Variants in ZNF189 observed in about 807,000 individuals in gnomAD.
The protein encoded by ZNF189 is zinc finger protein 189.
Under a neutral mutation model 53.5 loss-of-function variants are expected in ZNF189, and 33 were observed. The ratio of observed to expected loss-of-function variants is 0.62; its 90% CI spans 0.47 to 0.82. ZNF189 has a LOEUF of 0.82. Ranked by LOEUF, ZNF189 falls within the 40% of genes least tolerant of loss-of-function variation. The probability of loss-of-function intolerance (pLI) is 0.00; values close to 1 mark genes in which losing one functional copy is unlikely to be tolerated. For missense variants in ZNF189, 711 were observed against 753.9 expected (o/e 0.94, Z 0.67); for synonymous variants, 247 against 238.8 (o/e 1.03, Z -0.32).
At chr9:101,403,234 G>A (rs1255113422) in intron 2 of ZNF189, among the ~76,000 whole-genome samples, 2 of 152,132 alleles carry the variant, frequency 1.3e-5, no homozygotes, top group Non-Finnish European at 2.9e-5. Flanking sequence ...TAGAACTGCA[G>A]CATGTAAATA....
chr9:101,407,499 C>A, intron 2 of ZNF189: 1 of 400,228 alleles, frequency 2.5e-6, no homozygotes, highest in Non-Finnish European at 4.4e-6. Flanking sequence ...GATCAATCCT[C>A]CCACCTCAGC....
Position 101,408,851 on chromosome 9 carries a change from A to G in ZNF189, c.1083A>G (p.Glu361=), listed in dbSNP as rs879802567. ...TCAGTCGGAGCTCATTCCTTATTGAACATCAGAGGATCCATACTGGTGAAA... is the reference window on the plus strand; with the variant it reads ...TCAGTCGGAGCTCATTCCTTATTGAGCATCAGAGGATCCATACTGGTGAAA... ...KSFSRSSFLI[E]HQRIHTGERP... is the part of the protein sequence containing the mutation. Residue 361 remains glutamate, a synonymous_variant, in exon 3 of 3, where the codon GAA becomes GAG. Transcript: ENST00000339664. 1 of 1,614,178 alleles carries G rather than the reference A, an allele frequency of 6.2e-7. No homozygotes were observed. The highest frequency in any genetic ancestry group is 8.5e-7 in the Non-Finnish European group (1 of 1,180,028).
At chr9:101,401,172 C>T (rs1319935616) in intron 2 of ZNF189, among the ~76,000 whole-genome samples, 1 of 152,174 alleles carries the variant, frequency 6.6e-6, no homozygotes, top group Non-Finnish European at 1.5e-5. Context: ...GATTGATATC[C>T]TTTATATAAG....
chr9:101,408,812 G>A lies in ZNF189; in HGVS notation c.1044G>A (p.Glu348=), dbSNP rs757305214. ...HTGEKPFLCI[E]CGKSFSRSSF... ...GCGAGAAGCCTTTTCTTTGTATTGA[G>A]TGTGGAAAAAGTTTCAGTCGGAGCT... The change falls in exon 3 of 3, where the codon GAG becomes GAA. Residue 348 remains glutamate, a synonymous_variant. Transcript: ENST00000339664. 3.5e-5 allele frequency: 57 copies of A among 1,613,996 alleles called. No individual in the cohort carries two copies. The highest frequency in any genetic ancestry group is 4.2e-5 in the Non-Finnish European group (49 of 1,180,030).
In ZNF189 at chr9:101,409,896, G is replaced by A; in HGVS notation, c.*247G>A. 2.3e-6 allele frequency: 1 copy of A among 438,176 alleles called. No homozygotes were observed. Among genetic ancestry groups the A allele is most frequent in the Non-Finnish European group, 4.0e-6 (1 of 249,364 alleles). The allele number at this position is 438,176 out of a possible 1,614,324, so 27.1% of individuals were successfully genotyped here. On this transcript the variant is annotated 3_prime_UTR_variant, in exon 3 of 3. Coordinates refer to ENST00000339664, the MANE Select transcript of ZNF189 (RefSeq NM_003452.4). ...TCTTTAATAAATCTTTCAGCAGAGA[G>A]ATTAAACCTAGGTTCAGAGCATGGG...
At chr9:101,399,555 A>C (rs1251418204) in intron 1 of ZNF189, 1 of 1,276,478 alleles carries the variant, frequency 7.8e-7, no homozygotes, top group East Asian at 4.0e-5. Flanking sequence ...AACCTCAAGG[A>C]ATTGAATTGA....
Position 101,408,245 on chromosome 9 carries a change from C to A in ZNF189, c.477C>A (p.Arg159=). ...KCEECGKGFV[R]KAHFIQHQRV... ...AAGAATGTGGAAAGGGTTTTGTCCG[C>A]AAGGCCCATTTCATTCAACATCAAA... is the stretch of plus-strand genomic sequence containing the variant. The change falls in exon 3 of 3, where the codon CGC becomes CGA. Residue 159 remains arginine, a synonymous_variant. Coordinates refer to ENST00000339664, the MANE Select transcript of ZNF189 (RefSeq NM_003452.4). 6.2e-7 allele frequency: 1 copy of A among 1,614,136 alleles called. No homozygotes were observed. The highest frequency in any genetic ancestry group is 8.5e-7 in the Non-Finnish European group (1 of 1,180,040).
Position 101,408,356 on chromosome 9 carries a change from A to G in ZNF189, c.588A>G (p.Arg196=), listed in dbSNP as rs780520726. The G allele has an allele frequency of 1.2e-6, 2 of 1,614,136 alleles. No homozygotes were observed. The highest frequency in any genetic ancestry group is 2.2e-5 in the East Asian group (1 of 44,858). ...SRSSFVIEHQ[R]IHTGERPYEC... Reference sequence around the variant, plus strand: ...GTTCATTTGTTATTGAACATCAGAGAATTCACACTGGGGAAAGGCCCTATG... The same window carrying G: ...GTTCATTTGTTATTGAACATCAGAGGATTCACACTGGGGAAAGGCCCTATG... The change falls in exon 3 of 3, where the codon AGA becomes AGG. Residue 196 remains arginine (R), a synonymous_variant. Transcript: ENST00000339664.
chr9:101,408,167 C>T lies in ZNF189; in HGVS notation c.399C>T (p.Asn133=). The T allele has an allele frequency of 6.2e-7, 1 of 1,614,074 alleles. No homozygotes were observed. The highest frequency in any genetic ancestry group is 2.2e-5 in the East Asian group (1 of 44,860). Residue 133 remains asparagine, a synonymous_variant, in exon 3 of 3, where the codon AAC becomes AAT. Coordinates refer to ENST00000339664, the MANE Select transcript of ZNF189 (RefSeq NM_003452.4). ...LTQEQRMFRE[N]TNIIRKRPNS... ...AGGAACAGAGAATGTTCAGAGAAAA[C>T]ACTAACATTATCCGTAAAAGACCAA...
At chr9:101,403,623 T>G (rs1588156913) in intron 2 of ZNF189, among the ~76,000 whole-genome samples, 2 of 152,368 alleles carry the variant, frequency 1.3e-5, no homozygotes, top group Admixed American at 6.5e-5. Flanking sequence ...CATCTTCAAT[T>G]TTAATGACTC....
At chr9:101,399,449 C>T (rs1268046208) in intron 1 of ZNF189, 1 of 1,332,408 alleles carries the variant, frequency 7.5e-7, no homozygotes, top group African/African-American at 1.5e-5. Flanking sequence ...CTAGCTCTCT[C>T]ATTTGTGAGT....
intron 2 of ZNF189, among the ~76,000 whole-genome samples, chr9:101,400,833 CTG>C (rs1368900470): frequency 6.6e-6 from 1 of 152,246 alleles, no homozygotes; most frequent in Non-Finnish European, 1.5e-5. Flanking sequence ...AGTTTATTGA[CTG>C]TGACTAGACG....
At position 101,399,982 on chromosome 9, in the gene ZNF189, G is replaced by A. The variant is rs772843590; in HGVS notation, c.132G>A (p.Met44Ile). The A allele has an allele frequency of 2.1e-5, 34 of 1,613,960 alleles. No individual in the cohort carries two copies. The East Asian group carries it at 7.4e-4, about 35-fold the overall frequency. ...AQRSLYKDVM[M>I]ENYGNLVSLD... ...GAAGCCTGTATAAAGATGTCATGAT[G>A]GAGAATTATGGAAACCTGGTCTCAC... Residue 44 changes from methionine to isoleucine, a missense_variant, in exon 2 of 3, where the codon ATG becomes ATA. Physicochemically the swap from Met to Ile is conservative, Grantham distance 10. Coordinates refer to ENST00000339664, the MANE Select transcript of ZNF189 (RefSeq NM_003452.4).
rs754947817 is a variant in ZNF189, at chr9:101,409,305, CTG to C, written c.1540_1541del (p.Cys514GlnfsTer8). The C allele has an allele frequency of 3.0e-5, 48 of 1,614,184 alleles. No individual in the cohort carries two copies. Among genetic ancestry groups the C allele is most frequent in the Non-Finnish European group, 4.1e-5 (48 of 1,180,030 alleles). ...QRIHTGERPY[L>X]CRQCGKSFSQ... ...AATCCACACTGGTGAGAGACCCTAT[CTG>C]TGCAGACAGTGTGGAAAAAGCTTTA... On this transcript the variant is annotated frameshift_variant, in exon 3 of 3. Transcript: ENST00000339664. LOFTEE classifies it high-confidence loss of function.
chr9:101,400,513 G>A (rs541945633), intron 2 of ZNF189, among the ~76,000 whole-genome samples: 4 of 152,188 alleles, frequency 2.6e-5, no homozygotes, highest in Non-Finnish European at 5.9e-5. Flanking sequence ...CAAAGCATTA[G>A]TTTTCCACCT....
At chr9:101,407,478 TG>T (rs1221594653) in intron 2 of ZNF189, 20 of 398,944 alleles carry the variant, frequency 5.0e-5, no homozygotes, top group African/African-American at 3.9e-4. Flanking sequence ...CTCAACCTGT[TG>T]GGCTTAAGTG....
intron 2 of ZNF189, chr9:101,407,573 T>G: frequency 2.5e-6 from 1 of 404,774 alleles, no homozygotes; most frequent in Non-Finnish European, 4.3e-6. Flanking sequence ...AAAAATTTTT[T>G]TTTTGTAGAG....
rs1166433824 is a variant in ZNF189, at chr9:101,407,916, T to C, written c.161-13T>C. The stretch of plus-strand genomic sequence containing the variant: ...CCTTGGTTGATCTTTGTATTTCCTT[T>C]TTATTATTCCAGATGTTTTGAACAG... On this transcript the variant is annotated splice_polypyrimidine_tract_variant and intron_variant, in intron 2 of 2. Coordinates refer to ENST00000339664, the MANE Select transcript of ZNF189 (RefSeq NM_003452.4). 3 of 1,512,262 alleles carry C rather than the reference T, an allele frequency of 2.0e-6. No homozygotes were observed. The highest frequency in any genetic ancestry group is 2.8e-5 in the African/African-American group (2 of 71,196). The allele number at this position is 1,512,262 out of a possible 1,614,324, so 93.7% of individuals were successfully genotyped here. A position where few individuals can be genotyped will look rare whatever the true frequency, so the allele number is the denominator to read the frequency against.
chr9:101,409,804 C>A lies in ZNF189; in HGVS notation c.*155C>A. On this transcript the variant is annotated 3_prime_UTR_variant, in exon 3 of 3. Coordinates refer to ENST00000339664, the MANE Select transcript of ZNF189 (RefSeq NM_003452.4). ...GATTCTGTGAATAGTGGACAACTGCCCATGAGCATTTGACTTCCCTTACTC... is the reference window on the plus strand; with the variant it reads ...GATTCTGTGAATAGTGGACAACTGCACATGAGCATTTGACTTCCCTTACTC... The A allele has an allele frequency of 1.3e-6, 1 of 784,764 alleles. No homozygotes were observed. The highest frequency in any genetic ancestry group is 1.9e-6 in the Non-Finnish European group (1 of 516,452). 48.6% of individuals were successfully genotyped at this position (784,764 alleles called of 1,614,324 possible).
Sources: allele counts gnomAD v4.1 joint callset (sites outside exome capture counted in the v4.1 genomes callset), GRCh38; gene constraint gnomAD v4.1.1; transcripts MANE v1.5; gene names NCBI Gene and HGNC (gene_info 2026-07-23, HGNC 2026-07-21).